PDE4D: variants seen among roughly 807,000 people sequenced by gnomAD.
PDE4D encodes the protein 3',5'-cyclic-AMP phosphodiesterase 4D.
A neutral mutation model predicts 87.4 loss-of-function variants in PDE4D; 24 were observed. That is an observed-to-expected ratio of 0.27 (90% CI 0.20 to 0.39). The LOEUF (loss-of-function observed/expected upper bound fraction) is 0.39, where lower values mean the gene tolerates loss of function less well. Ranked by LOEUF, PDE4D falls within the 10% of genes least tolerant of loss-of-function variation. The pLI is 1.00. For synonymous variants in PDE4D, 384 were observed against 383.2 expected (o/e 1.00, Z -0.02); for missense variants, 714 against 1,041.0 (o/e 0.69, Z 4.32).
At chr5:59,382,048 C>T (rs1446586894) in intron 1 of PDE4D, among the ~76,000 whole-genome samples, 1 of 152,132 alleles carries the variant, frequency 6.6e-6, no homozygotes, top group Non-Finnish European at 1.5e-5. Context: ...CTGCCCTTCT[C>T]AGCCTTTCAA....
intron 1 of PDE4D, among the ~76,000 whole-genome samples, chr5:59,559,117 T>C (rs559061453): frequency 6.6e-6 from 1 of 152,304 alleles, no homozygotes; most frequent in East Asian, 1.9e-4. Context: ...CTTAATATCA[T>C]TTACTTCATT....
chr5:60,135,830 C>T (rs1207219376), intron 2 of PDE4D, among the ~76,000 whole-genome samples: 2 of 152,128 alleles, frequency 1.3e-5, no homozygotes, highest in Non-Finnish European at 2.9e-5. Context: ...TGGACAGCTG[C>T]AATGCATATT....
chr5:60,138,782 G>C (rs1780267550), intron 2 of PDE4D, among the ~76,000 whole-genome samples: 1 of 151,850 alleles, frequency 6.6e-6, no homozygotes, highest in South Asian at 2.1e-4. Flanking sequence ...AGTATAAATG[G>C]TAAATATATA....
chr5:59,837,124 A>T (rs1002448421), intron 1 of PDE4D, among the ~76,000 whole-genome samples: 2 of 152,014 alleles, frequency 1.3e-5, no homozygotes, highest in African/African-American at 2.4e-5. Flanking sequence ...ACCCAGGCTC[A>T]TTCTAACCCC....
At chr5:60,476,807 C>T (rs1748368613) in intron 1 of PDE4D, among the ~76,000 whole-genome samples, 1 of 152,178 alleles carries the variant, frequency 6.6e-6, no homozygotes, top group African/African-American at 2.4e-5. Flanking sequence ...CGCCATCATT[C>T]CCTTTCTGCT....
At chr5:60,048,700 C>T (rs574133576) in intron 2 of PDE4D, among the ~76,000 whole-genome samples, 2 of 151,920 alleles carry the variant, frequency 1.3e-5, no homozygotes. Flanking sequence ...GGCCCCCACT[C>T]TCTTCTGGCT....
At chr5:59,689,339 G>A (rs538773424) in intron 1 of PDE4D, among the ~76,000 whole-genome samples, 7 of 152,126 alleles carry the variant, frequency 4.6e-5, no homozygotes, top group African/African-American at 1.7e-4. Context: ...CTGGCAAACC[G>A]AAGCCAGCAG....
intron 6 of PDE4D, among the ~76,000 whole-genome samples, chr5:59,019,099 G>C (rs1354428103): frequency 6.6e-6 from 1 of 151,940 alleles, no homozygotes; most frequent in East Asian, 1.9e-4. Context: ...TTCTCTTCAT[G>C]ATTTTCCAAC....
intron 2 of PDE4D, among the ~76,000 whole-genome samples, chr5:60,048,008 T>C (rs1769525944): frequency 6.6e-6 from 1 of 152,142 alleles, no homozygotes; most frequent in Middle Eastern, 3.2e-3. Context: ...CTAAGTCTCT[T>C]TGTAGGTCTC....
At chr5:60,222,042 C>T (rs140958409) in intron 1 of PDE4D, among the ~76,000 whole-genome samples, 7 of 152,180 alleles carry the variant, frequency 4.6e-5, no homozygotes, top group Non-Finnish European at 7.4e-5. Flanking sequence ...CCCTTCTCCC[C>T]GCACATACAT....
chr5:60,297,515 C>A (rs1753514957), intron 1 of PDE4D, among the ~76,000 whole-genome samples: 1 of 152,178 alleles, frequency 6.6e-6, no homozygotes. Flanking sequence ...GGTTACCAAA[C>A]ATGCTATAAA....
intron 1 of PDE4D, among the ~76,000 whole-genome samples, chr5:59,636,441 GA>G (rs1224794527): frequency 2.6e-5 from 4 of 151,454 alleles, no homozygotes; most frequent in Non-Finnish European, 5.9e-5. Context: ...CTAAGCAAAA[GA>G]AAAAACAAAC....
intron 1 of PDE4D, among the ~76,000 whole-genome samples, chr5:60,343,124 C>T (rs576761989): frequency 6.6e-6 from 1 of 152,250 alleles, no homozygotes; most frequent in African/African-American, 2.4e-5. Context: ...TTAAAGTTAA[C>T]TTCCAAGGGT....
At chr5:60,113,852 G>A (rs897889692) in intron 2 of PDE4D, among the ~76,000 whole-genome samples, 3 of 152,014 alleles carry the variant, frequency 2.0e-5, no homozygotes, top group Non-Finnish European at 2.9e-5. Context: ...ACCCTATAAC[G>A]TCTAGAGGCC....
chr5:58,972,630 C>G lies in PDE4D; in HGVS notation c.*2034G>C, dbSNP rs1742813180. The G allele has an allele frequency of 6.6e-6, 1 of 152,112 alleles. No individual in the cohort carries two copies. The allele number at this position is 152,112 out of a possible 1,614,324, so 9.4% of individuals were successfully genotyped here. A position where few individuals can be genotyped will look rare whatever the true frequency, so the allele number is the denominator to read the frequency against. ...ACTTGTCAGATACCCACTTTGGCTT[C>G]TATCTATCTCAATTCTTGAATATCA... On this transcript the variant is annotated 3_prime_UTR_variant, in exon 15 of 15. Transcript: ENST00000340635.
upstream of PDE4D, among the ~76,000 whole-genome samples, chr5:59,898,521 C>T (rs1222898912): frequency 2.6e-5 from 4 of 152,114 alleles, no homozygotes; most frequent in African/African-American, 4.8e-5. Context: ...TAATCTGAGG[C>T]CAAGACCTCA....
chr5:59,477,371 A>AT (rs201447813), intron 1 of PDE4D, among the ~76,000 whole-genome samples: 2,539 of 113,772 alleles, frequency 0.022, 24 homozygotes, highest in Admixed American at 0.035. Context: ...AAAAAAAAAA[A>AT]AAATTAAAGA....
chr5:59,350,033 T>TATA (rs1207576514), intron 1 of PDE4D, among the ~76,000 whole-genome samples: 1 of 152,184 alleles, frequency 6.6e-6, no homozygotes, highest in African/African-American at 2.4e-5. Context: ...AAAAAATGCA[T>TATA]ATAATGCATT....
At chr5:59,848,663 A>G (rs1042031587) in intron 1 of PDE4D, among the ~76,000 whole-genome samples, 3 of 152,090 alleles carry the variant, frequency 2.0e-5, no homozygotes, top group East Asian at 1.9e-4. Flanking sequence ...AGTAAAGCAC[A>G]TCAAAACTAC....
Sources: gnomAD v4.1 joint callset for allele counts (sites outside exome capture counted in the v4.1 genomes callset) on GRCh38, gnomAD v4.1.1 for gene constraint, MANE v1.5 for transcripts, NCBI Gene and HGNC (gene_info 2026-07-23, HGNC 2026-07-21) for gene names.